Variants in MAN1A1 observed in about 807,000 individuals in gnomAD.
MAN1A1 encodes mannosidase alpha class 1A member 1, also known as mannosyl-oligosaccharide 1,2-alpha-mannosidase IA.
Under a neutral mutation model 70.8 loss-of-function variants are expected in MAN1A1, and 29 were observed. The observed-to-expected ratio is 0.41, with a 90% CI of 0.31 to 0.56. The LOEUF (loss-of-function observed/expected upper bound fraction) is 0.56, where lower values mean the gene tolerates loss of function less well. MAN1A1 is among the 20% of genes least tolerant of loss of function. The probability of loss-of-function intolerance (pLI) is 0.29; values close to 1 mark genes in which losing one functional copy is unlikely to be tolerated. For missense variants in MAN1A1, 747 were observed against 841.3 expected (o/e 0.89, Z 1.39); for synonymous variants, 349 against 330.1 (o/e 1.06, Z -0.62).
chr6:119,331,569 G>T (rs1254405897), intron 2 of MAN1A1, among the ~76,000 whole-genome samples: 1 of 29,114 alleles, frequency 3.4e-5, no homozygotes, highest in Non-Finnish European at 6.9e-5. Flanking sequence ...TACATATTAT[G>T]CATATATATA....
chr6:119,338,168 T>A (rs576987091), intron 2 of MAN1A1, among the ~76,000 whole-genome samples: 3 of 152,230 alleles, frequency 2.0e-5, no homozygotes, highest in South Asian at 4.1e-4. Context: ...TACATTTATG[T>A]CAATCGTTAT....
chr6:119,228,603 A>T lies in MAN1A1; in HGVS notation c.992+19657T>A, dbSNP rs547863272. Reference sequence around the variant, plus strand: ...ATAGCTCAGACTCTTTTAGAAAACTATTTTTTTTAAAGAAAAACCCCTAAT... The same window carrying T: ...ATAGCTCAGACTCTTTTAGAAAACTTTTTTTTTTAAAGAAAAACCCCTAAT... On this transcript the variant is annotated intron_variant, in intron 6 of 12. Transcript: ENST00000368468. Among the ~76,000 whole-genome samples, 12 of 151,958 alleles carry T rather than the reference A, an allele frequency of 7.9e-5. 1 individual carries two copies. In the South Asian group the frequency reaches 2.5e-3, roughly 32 times the overall value.
chr6:119,223,561 T>A (rs1774424178), intron 6 of MAN1A1, among the ~76,000 whole-genome samples: 1 of 152,150 alleles, frequency 6.6e-6, no homozygotes, highest in Admixed American at 6.5e-5. Flanking sequence ...TATAATTTTA[T>A]CCCCAATAAA....
At chr6:119,201,397 A>G (rs1361202496) in intron 7 of MAN1A1, 50 bp from the exon 8 acceptor site, 1 of 1,213,434 alleles carries the variant, frequency 8.2e-7, no homozygotes, top group Non-Finnish European at 1.2e-6. Flanking sequence ...AACAATTTTC[A>G]TGCCATTCTT....
chr6:119,236,533 C>A (rs1022912587), intron 6 of MAN1A1, among the ~76,000 whole-genome samples: 3 of 151,890 alleles, frequency 2.0e-5, no homozygotes, highest in African/African-American at 7.3e-5. Flanking sequence ...CAAGGTGAAA[C>A]CCCATCTCTA....
At chr6:119,226,638 T>C (rs538243586) in intron 6 of MAN1A1, among the ~76,000 whole-genome samples, 149 of 152,314 alleles carry the variant, frequency 9.8e-4, no homozygotes, top group African/African-American at 3.4e-3. Context: ...AAGAAGAATA[T>C]ATAAAATGTT....
At chr6:119,272,942 TAAAC>T (rs1225345743) in intron 5 of MAN1A1, among the ~76,000 whole-genome samples, 2 of 152,082 alleles carry the variant, frequency 1.3e-5, no homozygotes, top group East Asian at 1.9e-4. Context: ...TTGTTGTAAA[TAAAC>T]AACCTTCTAA....
At chr6:119,254,854 C>T (rs923575878) in intron 5 of MAN1A1, among the ~76,000 whole-genome samples, 6 of 152,058 alleles carry the variant, frequency 3.9e-5, no homozygotes, top group African/African-American at 1.4e-4. Context: ...GAGCATGTAA[C>T]TAACAAATAA....
At chr6:119,217,321 C>T (rs192715268) in intron 6 of MAN1A1, among the ~76,000 whole-genome samples, 259 of 150,368 alleles carry the variant, frequency 1.7e-3, no homozygotes, top group Non-Finnish European at 2.9e-3. Context: ...ATTGCTCTGT[C>T]GCCAGGCTGG....
intron 6 of MAN1A1, among the ~76,000 whole-genome samples, chr6:119,214,868 A>G (rs1453203459): frequency 6.6e-6 from 1 of 151,142 alleles, no homozygotes; most frequent in Non-Finnish European, 1.5e-5. Flanking sequence ...ACTCAGATAA[A>G]TGAATGCTGA....
At chr6:119,268,517 C>T (rs1775821300) in intron 5 of MAN1A1, among the ~76,000 whole-genome samples, 1 of 152,012 alleles carries the variant, frequency 6.6e-6, no homozygotes, top group African/African-American at 2.4e-5. Flanking sequence ...GAAGGTAGGG[C>T]TCCCTCCAAT....
At chr6:119,323,704 T>C (rs1383957221) in intron 2 of MAN1A1, among the ~76,000 whole-genome samples, 12 of 152,260 alleles carry the variant, frequency 7.9e-5, no homozygotes, top group African/African-American at 2.6e-4. Flanking sequence ...TGACCTATCA[T>C]CAAAAGGACA....
chr6:119,348,977 C>T lies in MAN1A1; in HGVS notation c.89G>A (p.Gly30Glu). 1 of 1,484,154 alleles carries T rather than the reference C, an allele frequency of 6.7e-7. No individual in the cohort carries two copies. Among genetic ancestry groups the T allele is most frequent in the Non-Finnish European group, 8.9e-7 (1 of 1,117,466 alleles). 91.9% of individuals were successfully genotyped at this position (1,484,154 alleles called of 1,614,324 possible). Residue 30 changes from glycine to glutamate, a missense_variant, in exon 2 of 13, where the codon GGG becomes GAG. Physicochemically the swap from Gly to Glu is moderately conservative, Grantham distance 98. Transcript: ENST00000368468. The stretch of plus-strand genomic sequence containing the variant: ...CAGGCGGAGGGCGGCGGGGCCCGAC[C>T]CCTTCCTGCCACCGCCGCCGCCGAG... The part of the protein sequence containing the change: ...GGLGGGGGRK[G>E]SGPAALRLTE...
chr6:119,306,286 T>C lies in MAN1A1; in HGVS notation c.700+610A>G, dbSNP rs141618613. The stretch of plus-strand genomic sequence containing the variant: ...ACCCAAAGAATCCATGACACCCTTG[T>C]GTTACTTAGCTTCCTTACTTCCACA... On this transcript the variant is annotated intron_variant, in intron 3 of 12. Coordinates refer to ENST00000368468, the MANE Select transcript of MAN1A1 (RefSeq NM_005907.4). Among the ~76,000 whole-genome samples, 599 of 152,314 alleles carry C rather than the reference T, an allele frequency of 3.9e-3. 1 individual carries two copies. Among genetic ancestry groups the C allele is most frequent in the Non-Finnish European group, 6.0e-3 (407 of 68,018 alleles).
chr6:119,189,606 C>G (rs1190310364), intron 10 of MAN1A1, 58 bp downstream of exon 10: 2 of 1,534,952 alleles, frequency 1.3e-6, no homozygotes, highest in Non-Finnish European at 9.0e-7. Context: ...AATGACAAAA[C>G]TGCATTAAAT....
intron 5 of MAN1A1, among the ~76,000 whole-genome samples, chr6:119,261,588 G>T (rs1264076513): frequency 6.6e-6 from 1 of 152,076 alleles, no homozygotes; most frequent in Non-Finnish European, 1.5e-5. Flanking sequence ...TCTTCAAAAA[G>T]AAAATGAAGA....
chr6:119,201,222 A>G (rs748569361), intron 8 of MAN1A1, 32 bp downstream of exon 8: 1 of 1,478,860 alleles, frequency 6.8e-7, no homozygotes, highest in South Asian at 1.1e-5. Context: ...AGTACCAAAA[A>G]GAGCTATAAT....
At chr6:119,216,848 G>A (rs967546157) in intron 6 of MAN1A1, among the ~76,000 whole-genome samples, 2 of 152,198 alleles carry the variant, frequency 1.3e-5, no homozygotes, top group Non-Finnish European at 2.9e-5. Flanking sequence ...TACCATACAT[G>A]TTGTTGTATA....
intron 6 of MAN1A1, among the ~76,000 whole-genome samples, chr6:119,227,699 A>T (rs1389370885): frequency 6.6e-6 from 1 of 152,028 alleles, no homozygotes; most frequent in African/African-American, 2.4e-5. Flanking sequence ...GAACTCCTAG[A>T]CTCAAGCTAT....
Sources: allele counts gnomAD v4.1 joint callset (sites outside exome capture counted in the v4.1 genomes callset), GRCh38; gene constraint gnomAD v4.1.1; transcripts MANE v1.5; gene names NCBI Gene and HGNC (gene_info 2026-07-23, HGNC 2026-07-21).